Variants in CPS1 observed in about 807,000 individuals in gnomAD.
CPS1 encodes carbamoyl-phosphate synthase [ammonia], mitochondrial.
CPS1 carries 109 observed loss-of-function variants against 174.6 expected under a neutral mutation model. The observed-to-expected ratio is 0.62, with a 90% CI of 0.53 to 0.73. The LOEUF (loss-of-function observed/expected upper bound fraction) is 0.73, where lower values mean the gene tolerates loss of function less well. Ranked by LOEUF, CPS1 falls within the 30% of genes least tolerant of loss-of-function variation. The pLI, the probability that CPS1 is intolerant of heterozygous loss-of-function variation, is 0.00. For synonymous variants in CPS1, 637 were observed against 632.0 expected, an observed-to-expected ratio of 1.01 and a Z score of -0.12; for missense variants, 1,689 against 1,821.9, an observed-to-expected ratio of 0.93 and a Z score of 1.33.
chr2:210,552,644 T>A (rs1696760866), upstream of CPS1, among the ~76,000 whole-genome samples: 1 of 151,962 alleles, frequency 6.6e-6, no homozygotes, highest in South Asian at 2.1e-4. Context: ...TTTTTTTCAA[T>A]CTGTAGCAGG....
At chr2:210,501,551 T>A (rs571755177) in intron 1 of CPS1, among the ~76,000 whole-genome samples, 9 of 152,250 alleles carry the variant, frequency 5.9e-5, no homozygotes, top group African/African-American at 2.2e-4. Context: ...CTCTCTCAAG[T>A]TCAAAGTTCT....
chr2:210,497,750 C>T (rs775403796), intron 1 of CPS1, among the ~76,000 whole-genome samples: 1 of 151,648 alleles, frequency 6.6e-6, no homozygotes, highest in Non-Finnish European at 1.5e-5. Context: ...TGTTTAGTAT[C>T]CCATGGTGTA....
Position 210,548,255 on chromosome 2 carries a change from A to G in CPS1, c.4-8464A>G, listed in dbSNP as rs185447437. Among the ~76,000 whole-genome samples, 3 of 152,044 alleles carry G rather than the reference A, an allele frequency of 2.0e-5. No homozygotes were observed. The East Asian group carries it at 5.8e-4, about 29-fold the overall frequency. On this transcript the variant is annotated intron_variant, in intron 1 of 38. Coordinates refer to the CPS1 transcript ENST00000430249. Reference sequence around the variant, plus strand: ...ATCATTTCACAAAATTTCTATCATTACTGCTTGACCTCGACTTCTAACATG... The same window carrying G: ...ATCATTTCACAAAATTTCTATCATTGCTGCTTGACCTCGACTTCTAACATG...
At chr2:210,605,279 G>A in intron 17 of CPS1, 33 bp downstream of exon 17, 1 of 1,609,900 alleles carries the variant, frequency 6.2e-7, no homozygotes, top group Non-Finnish European at 8.5e-7. Flanking sequence ...CTATAGTAAT[G>A]CTTTCAGTTC....
At chr2:210,582,569 C>A in intron 5 of CPS1, 48 bp from the exon 6 acceptor site, 4 of 1,403,816 alleles carry the variant, frequency 2.8e-6, no homozygotes, top group East Asian at 2.3e-5. Context: ...CTTGTCAACA[C>A]CTTTATCGTT....
In CPS1 at chr2:210,495,968, C is replaced by T. The variant is rs539866166; in HGVS notation, c.3+18202C>T. Among the ~76,000 whole-genome samples the T allele has an allele frequency of 2.6e-5, 4 of 151,706 alleles. No individual in the cohort carries two copies. The South Asian group carries it at 8.3e-4, about 32-fold the overall frequency. ...CCTCTCTCACTCCCTCCTTCCTTAC[C>T]TTCCTCCCCTCTTTCCCTCCCTGTG... On this transcript the variant is annotated intron_variant, in intron 1 of 38. Coordinates refer to the CPS1 transcript ENST00000430249.
intron 1 of CPS1, chr2:210,519,914 G>T (rs369376712): frequency 3.1e-5 from 11 of 356,228 alleles, no homozygotes; most frequent in African/African-American, 2.0e-4. Flanking sequence ...AGGCAGCTGT[G>T]GTAGCTGTGG....
chr2:210,527,389 A>C (rs944424914), intron 1 of CPS1, among the ~76,000 whole-genome samples: 3 of 151,982 alleles, frequency 2.0e-5, no homozygotes, highest in Non-Finnish European at 4.4e-5. Context: ...GATCTAAGAG[A>C]TCACCTAGTC....
chr2:210,485,523 G>A (rs968081512), intron 1 of CPS1, among the ~76,000 whole-genome samples: 3 of 152,072 alleles, frequency 2.0e-5, no homozygotes, highest in Admixed American at 6.5e-5. Context: ...TTTTGAATAA[G>A]TAGAATTTTA....
chr2:210,576,609 C>T, intron 3 of CPS1, 119 bp downstream of exon 3: 4 of 1,071,622 alleles, frequency 3.7e-6, no homozygotes, highest in Non-Finnish European at 5.8e-6. Flanking sequence ...TCATTAAGCT[C>T]ATGTATTCAA....
At chr2:210,554,974 T>A (rs867018620), upstream of CPS1, among the ~76,000 whole-genome samples, 1 of 151,974 alleles carries the variant, frequency 6.6e-6, no homozygotes, top group African/African-American at 2.4e-5. Context: ...CCTTTTGCTA[T>A]TTTCATTCTC....
rs756595148 is a variant in CPS1 at position 210,608,491 on chromosome 2, C to T, written c.2323C>T (p.Arg775Cys). 1.6e-5 allele frequency: 25 copies of T among 1,612,230 alleles called. No homozygotes were observed. The highest frequency in any genetic ancestry group is 1.3e-5 in the African/African-American group (1 of 74,768). Reference protein sequence around the residue: ...SLDYMVTKIPRWDLDRFHGTS... With the variant: ...SLDYMVTKIPCWDLDRFHGTS... The stretch of plus-strand genomic sequence containing the variant: ...GGATTACATGGTCACCAAGATTCCC[C>T]GCTGGGATCTTGACCGTTTTCATGG... Residue 775 changes from arginine (R) to cysteine (C), a missense_variant, in exon 19 of 38, where the codon CGC (arginine) becomes TGC (cysteine). Coordinates refer to ENST00000233072, the MANE Select transcript of CPS1 (RefSeq NM_001875.5).
intron 21 of CPS1, among the ~76,000 whole-genome samples, chr2:210,630,270 A>G (rs1472936169): frequency 6.6e-6 from 1 of 152,174 alleles, no homozygotes; most frequent in African/African-American, 2.4e-5. Context: ...TAATATCATG[A>G]TATTTCTGGA....
At chr2:210,676,895 C>A in intron 36 of CPS1, 112 bp from the exon 37 acceptor site, 3 of 962,200 alleles carry the variant, frequency 3.1e-6, no homozygotes, top group Non-Finnish European at 3.3e-6. Context: ...AGATGGCAGT[C>A]AACTCAGCAT....
intron 1 of CPS1, among the ~76,000 whole-genome samples, chr2:210,485,339 A>G (rs1694687800): frequency 6.6e-6 from 1 of 152,190 alleles, no homozygotes; most frequent in African/African-American, 2.4e-5. Flanking sequence ...ACTTAGGTAT[A>G]TACCCATAAA....
rs1349330966 is a variant in CPS1 at position 210,536,824 on chromosome 2, A to C, written c.4-19895A>C. On this transcript the variant is annotated intron_variant, in intron 1 of 38. Transcript: ENST00000430249. ...AATGAGAGTAAGAGAGAAAGAGCGT[A>C]AGAATAAATCATTGGCTGGAAACCT... 2.0e-5 allele frequency among the ~76,000 whole-genome samples: 3 copies of C among 152,214 alleles called. No homozygotes were observed. The East Asian group carries it at 5.8e-4, about 29-fold the overall frequency.
intron 25 of CPS1, among the ~76,000 whole-genome samples, chr2:210,647,460 A>G (rs530003124): frequency 8.5e-4 from 130 of 152,234 alleles, no homozygotes; most frequent in Middle Eastern, 6.8e-3. Context: ...CTTAATCTGA[A>G]TGTGAAGTGC....
At chr2:210,541,104 C>T (rs1696409287) in intron 1 of CPS1, among the ~76,000 whole-genome samples, 1 of 152,072 alleles carries the variant, frequency 6.6e-6, no homozygotes, top group Admixed American at 6.6e-5. Flanking sequence ...TGAGGCATAG[C>T]CCCAAGACTC....
rs1190404083 is a variant in CPS1 at position 210,595,526 on chromosome 2, A to G, written c.1303A>G (p.Ile435Val). Residue 435 changes from isoleucine to valine, a missense_variant, in exon 13 of 38, where the codon ATT (isoleucine) becomes GTT (valine). Physicochemically the swap from Ile to Val is conservative, Grantham distance 29. Transcript: ENST00000233072. ...TATTCTAGGATCAGGAGGTCTGTCC[A>G]TTGGTCAGGCTGGAGAATTTGATTA... ...VLILGSGGLS[I>V]GQAGEFDYSG... The G allele has an allele frequency of 3.1e-6, 5 of 1,611,678 alleles. No individual in the cohort carries two copies. The highest frequency in any genetic ancestry group is 4.2e-6 in the Non-Finnish European group (5 of 1,178,450).
Sources: gnomAD v4.1 joint callset for allele counts (sites outside exome capture counted in the v4.1 genomes callset) on GRCh38, gnomAD v4.1.1 for gene constraint, MANE v1.5 for transcripts, NCBI Gene and HGNC (gene_info 2026-07-23, HGNC 2026-07-21) for gene names.